TLN2: variants seen among roughly 807,000 people sequenced by gnomAD.
The protein encoded by TLN2 is talin 2.
A neutral mutation model predicts 294.7 loss-of-function variants in TLN2; 118 were observed. That is an observed-to-expected ratio of 0.40 (90% CI 0.34 to 0.47). The LOEUF is 0.47. Ranked by LOEUF, TLN2 falls within the 20% of genes least tolerant of loss-of-function variation. The pLI, the probability that TLN2 is intolerant of heterozygous loss-of-function variation, is 0.84. For synonymous variants in TLN2, 1,431 were observed against 1,304.5 expected (o/e 1.10, Z -2.09); for missense variants, 3,083 against 3,282.2 (o/e 0.94, Z 1.48).
intron 1 of TLN2, among the ~76,000 whole-genome samples, chr15:62,425,101 T>C (rs2034634081): frequency 2.6e-5 from 4 of 151,508 alleles, no homozygotes; most frequent in Admixed American, 2.6e-4. Flanking sequence ...CACAGGGGCC[T>C]GCCACCATGC....
At chr15:62,394,809 CTGGTGGACAAGGT>C (rs71883209) in intron 1 of TLN2, among the ~76,000 whole-genome samples, 2,412 of 152,276 alleles carry the variant, frequency 0.016, 53 homozygotes, top group African/African-American at 0.052. Context: ...TGAATAACAG[CTGGTGGACAAGGT>C]TGGGTACAAA....
At chr15:62,768,288 G>T (rs1020699755) in intron 41 of TLN2, among the ~76,000 whole-genome samples, 2 of 152,210 alleles carry the variant, frequency 1.3e-5, no homozygotes, top group African/African-American at 4.8e-5. Flanking sequence ...TACAGAGACT[G>T]TAGAGTGGAT....
At chr15:62,519,684 A>G (rs2040361355) in intron 1 of TLN2, among the ~76,000 whole-genome samples, 1 of 152,238 alleles carries the variant, frequency 6.6e-6, no homozygotes, top group Non-Finnish European at 1.5e-5. Context: ...AAGGAAGAGT[A>G]TAATGTGTAG....
intron 1 of TLN2, among the ~76,000 whole-genome samples, chr15:62,408,515 A>G (rs1411798960): frequency 6.6e-6 from 1 of 152,192 alleles, no homozygotes; most frequent in East Asian, 1.9e-4. Flanking sequence ...TACTACAATG[A>G]CCGTCTCTCT....
rs1263988004 is a variant in TLN2 at position 62,570,590 on chromosome 15, C to CT, written c.-237-19093dup. 3.9e-5 allele frequency among the ~76,000 whole-genome samples: 6 copies of CT among 152,286 alleles called. No homozygotes were observed. The South Asian group carries it at 1.0e-3, about 26-fold the overall frequency. ...CTCTCTGAACAAGTCTGAATATTCT[C>CT]TTTTCCCTAATTTTGGTTGCTTAAG... On this transcript the variant is annotated intron_variant, in intron 1 of 58. Transcript: ENST00000636159.
chr15:62,726,776 C>T (rs1183320454), intron 27 of TLN2, among the ~76,000 whole-genome samples: 4 of 152,158 alleles, frequency 2.6e-5, no homozygotes, highest in Non-Finnish European at 5.9e-5. Flanking sequence ...TACATTAATT[C>T]TCTGAAAACC....
At chr15:62,747,659 A>G (rs896964252) in intron 32 of TLN2, among the ~76,000 whole-genome samples, 5 of 152,172 alleles carry the variant, frequency 3.3e-5, no homozygotes, top group African/African-American at 1.2e-4. Context: ...ACTACAGTGG[A>G]CCCTTGACCA....
chr15:62,531,236 T>C (rs566125055), intron 1 of TLN2, among the ~76,000 whole-genome samples: 2 of 152,330 alleles, frequency 1.3e-5, no homozygotes, highest in South Asian at 4.1e-4. Context: ...TGGAATACTA[T>C]TCAGCCTTAA....
At chr15:62,399,450 C>T (rs572733107) in intron 1 of TLN2, among the ~76,000 whole-genome samples, 1 of 152,058 alleles carries the variant, frequency 6.6e-6, no homozygotes, top group East Asian at 1.9e-4. Context: ...GGCCACCATC[C>T]TCACACCCCA....
chr15:62,496,928 C>T (rs2039045790), intron 1 of TLN2, among the ~76,000 whole-genome samples: 1 of 152,100 alleles, frequency 6.6e-6, no homozygotes, highest in Non-Finnish European at 1.5e-5. Context: ...ATTGCATGTA[C>T]ACAGGCAGAG....
At chr15:62,777,482 G>T (rs975234777) in intron 43 of TLN2, among the ~76,000 whole-genome samples, 29 of 150,712 alleles carry the variant, frequency 1.9e-4, no homozygotes, top group African/African-American at 7.1e-4. Context: ...GTTGCGGTGA[G>T]CTGAGATCAT....
At chr15:62,826,124 T>C (rs1295024212) in intron 54 of TLN2, among the ~76,000 whole-genome samples, 1 of 151,600 alleles carries the variant, frequency 6.6e-6, no homozygotes, top group African/African-American at 2.4e-5. Flanking sequence ...GAAAGGGGGC[T>C]TAAGATGTAG....
chr15:62,682,282 A>G (rs1021169779), intron 11 of TLN2, among the ~76,000 whole-genome samples: 1 of 152,236 alleles, frequency 6.6e-6, no homozygotes, highest in Non-Finnish European at 1.5e-5. Context: ...TTTTTCTCGC[A>G]CAAAATATTC....
chr15:62,565,955 C>A (rs2043359031), intron 1 of TLN2, among the ~76,000 whole-genome samples: 1 of 150,974 alleles, frequency 6.6e-6, no homozygotes, highest in Admixed American at 6.6e-5. Context: ...ACCTCTTAAG[C>A]CTCAGTTTCT....
chr15:62,500,377 T>A (rs2039244481), intron 1 of TLN2, among the ~76,000 whole-genome samples: 1 of 152,138 alleles, frequency 6.6e-6, no homozygotes, highest in Non-Finnish European at 1.5e-5. Flanking sequence ...GCAGCAGGGC[T>A]TTCTGGCCCA....
intron 1 of TLN2, among the ~76,000 whole-genome samples, chr15:62,481,941 C>T (rs574713659): frequency 7.9e-5 from 12 of 151,428 alleles, no homozygotes; most frequent in East Asian, 5.9e-4. Flanking sequence ...GGATTACAGG[C>T]GCCTGCCACC....
At chr15:62,840,231 T>C (rs2070473796) in intron 58 of TLN2, among the ~76,000 whole-genome samples, 1 of 152,134 alleles carries the variant, frequency 6.6e-6, no homozygotes, top group Non-Finnish European at 1.5e-5. Context: ...GCCTGGTACA[T>C]AGTAAGGCTG....
At chr15:62,824,498 G>A (rs762677257) in intron 54 of TLN2, among the ~76,000 whole-genome samples, 2 of 152,214 alleles carry the variant, frequency 1.3e-5, no homozygotes, top group Non-Finnish European at 2.9e-5. Context: ...TCCACTCACA[G>A]TAACAGAATG....
At chr15:62,819,722 C>T in intron 53 of TLN2, 101 bp downstream of exon 53, 1 of 995,878 alleles carries the variant, frequency 1.0e-6, no homozygotes, top group Non-Finnish European at 1.5e-6. Context: ...TGGCCTTTAG[C>T]TGGCAGATGC....
Sources: gnomAD v4.1 joint callset for allele counts (sites outside exome capture counted in the v4.1 genomes callset) on GRCh38, gnomAD v4.1.1 for gene constraint, MANE v1.5 for transcripts, NCBI Gene and HGNC (gene_info 2026-07-23, HGNC 2026-07-21) for gene names.